Variants in SYT7 observed in about 807,000 individuals in gnomAD.
SYT7 encodes synaptotagmin-7.
Under a neutral mutation model 75.1 loss-of-function variants are expected in SYT7, and 29 were observed. The observed-to-expected ratio is 0.39, with a 90% confidence interval of 0.29 to 0.53. The LOEUF is 0.53. Ranked by LOEUF, SYT7 falls within the 20% of genes least tolerant of loss-of-function variation. The pLI, the probability that SYT7 is intolerant of heterozygous loss-of-function variation, is 0.77. For missense variants in SYT7, 693 were observed against 953.2 expected, an observed-to-expected ratio of 0.73 and a Z score of 3.59; for synonymous variants, 376 against 401.7, an observed-to-expected ratio of 0.94 and a Z score of 0.76.
intron 1 of SYT7, among the ~76,000 whole-genome samples, chr11:61,562,712 C>A (rs968966899): frequency 2.6e-5 from 4 of 152,124 alleles, no homozygotes; most frequent in Non-Finnish European, 2.9e-5. Flanking sequence ...TCAGTGAGCA[C>A]CTACAGTATG....
intron 1 of SYT7, among the ~76,000 whole-genome samples, chr11:61,562,950 T>C (rs1207917011): frequency 6.6e-6 from 1 of 152,104 alleles, no homozygotes. Context: ...GGAATGGCTT[T>C]CAGAGGGCAA....
At chr11:61,539,213 A>C (rs2062970555) in intron 6 of SYT7, among the ~76,000 whole-genome samples, 1 of 152,202 alleles carries the variant, frequency 6.6e-6, no homozygotes, top group African/African-American at 2.4e-5. Flanking sequence ...GAGGGAGCAC[A>C]GTCAAGGCTG....
At chr11:61,522,422 G>A (rs1480619577) in intron 12 of SYT7, among the ~76,000 whole-genome samples, 1 of 151,948 alleles carries the variant, frequency 6.6e-6, no homozygotes, top group Non-Finnish European at 1.5e-5. Context: ...ACTCCCGACC[G>A]CAGATGATCC....
intron 1 of SYT7, among the ~76,000 whole-genome samples, chr11:61,571,217 C>G (rs1273330414): frequency 1.3e-5 from 2 of 152,370 alleles, no homozygotes; most frequent in East Asian, 3.9e-4. Context: ...TGCCTCTGCA[C>G]AGACACACCT....
At chr11:61,581,960 G>T (rs2064285061), upstream of SYT7, among the ~76,000 whole-genome samples, 1 of 152,254 alleles carries the variant, frequency 6.6e-6, no homozygotes, top group South Asian at 2.1e-4. Context: ...TGGATGATTT[G>T]ATTCTGGGGC....
At chr11:61,533,172 G>A (rs756925663) in intron 7 of SYT7, 48 bp from the exon 8 acceptor site, 23 of 1,513,376 alleles carry the variant, frequency 1.5e-5, no homozygotes, top group African/African-American at 1.1e-4. Context: ...AGTGAGCTGC[G>A]TTGGGCACCC....
Position 61,556,125 on chromosome 11 carries a change from G to A in SYT7, c.114C>T (p.Cys38=), listed in dbSNP as rs1339716786. ...TCACCAGTTTGCGCTGACACCAGTG[G>A]CAGAGGCCGCAGAGGACGACAGTGA... ...LSVTVVLCGL[C]HWCQRKLGKR... The change falls in exon 2 of 13, where the codon TGC becomes TGT. Residue 38 remains cysteine (C), a synonymous_variant. Transcript: ENST00000539008. 2 of 1,613,916 alleles carry A rather than the reference G, an allele frequency of 1.2e-6. No individual in the cohort carries two copies. Among genetic ancestry groups the A allele is most frequent in the Non-Finnish European group, 1.7e-6 (2 of 1,179,926 alleles).
intron 7 of SYT7, 76 bp from the exon 8 acceptor site, chr11:61,533,200 G>A (rs1296673439): frequency 6.7e-7 from 1 of 1,494,132 alleles, no homozygotes; most frequent in East Asian, 2.4e-5. Context: ...GGGGGTGGCA[G>A]GACCTTCTCT....
chr11:61,585,593 C>T (rs977422430), upstream of SYT7, among the ~76,000 whole-genome samples: 14 of 152,154 alleles, frequency 9.2e-5, no homozygotes, highest in African/African-American at 3.4e-4. Context: ...GATATCTCCA[C>T]CCCAGAAAGG....
chr11:61,523,892 T>C lies in SYT7; in HGVS notation c.1691A>G (p.Asn564Ser). Residue 564 changes from asparagine (N) to serine (S), a missense_variant, in exon 11 of 13, where the codon AAC (asparagine) becomes AGC (serine). This residue lies in a region of SYT7 where 206 missense variants were observed against 360.0 expected (regional missense o/e 0.57). Transcript: ENST00000539008. The surrounding 1 kb of genome is among the most constrained non-coding windows in gnomAD (Gnocchi z 5.0). ...LLSLCYNPSA[N>S]SIIVNIIKAR... is the part of the protein sequence containing the mutation. Reference sequence around the variant, plus strand: ...TTTGATGATGTTCACGATGATGGAGTTGGCAGAGGGGTTGTAGCAGAGAGA... The same window carrying C: ...TTTGATGATGTTCACGATGATGGAGCTGGCAGAGGGGTTGTAGCAGAGAGA... 2 of 1,613,634 alleles carry C rather than the reference T, an allele frequency of 1.2e-6. No individual in the cohort carries two copies. The highest frequency in any genetic ancestry group is 2.2e-5 in the East Asian group (1 of 44,826).
rs542791991 is a variant in SYT7, at chr11:61,528,309, C to A, written c.1201-124G>T. On this transcript the variant is annotated intron_variant, in intron 8 of 12. Transcript: ENST00000539008. ...CCAGCCCACACTCACATCCCACGGACGCTGCTCAGGCTCAGAGGGCAGGTG... is the reference window on the plus strand; with the variant it reads ...CCAGCCCACACTCACATCCCACGGAAGCTGCTCAGGCTCAGAGGGCAGGTG... The A allele has an allele frequency of 4.8e-6, 6 of 1,240,092 alleles. No homozygotes were observed. In the South Asian group the frequency reaches 8.8e-5, roughly 18 times the overall value. The allele number at this position is 1,240,092 out of a possible 1,614,324, so 76.8% of individuals were successfully genotyped here.
Position 61,517,761 on chromosome 11 carries a change from T to C in SYT7, c.*866A>G, listed in dbSNP as rs2062184411. 2.6e-6 allele frequency: 1 copy of C among 388,844 alleles called. No individual in the cohort carries two copies. The highest frequency in any genetic ancestry group is 2.1e-5 in the African/African-American group (1 of 47,298). The allele number at this position is 388,844 out of a possible 1,614,324, so 24.1% of individuals were successfully genotyped here. A position where few individuals can be genotyped will look rare whatever the true frequency, so the allele number is the denominator to read the frequency against. On this transcript the variant is annotated 3_prime_UTR_variant, in exon 13 of 13. Coordinates refer to ENST00000539008, the MANE Select transcript of SYT7 (RefSeq NM_001365809.2). Reference sequence around the variant, plus strand: ...ATGCACACAGTAGGTGCCTAAAAGGTGTGAGTCAGTGTTCAAGAGATGAAA... The same window carrying C: ...ATGCACACAGTAGGTGCCTAAAAGGCGTGAGTCAGTGTTCAAGAGATGAAA...
In SYT7 at chr11:61,545,707, TG is replaced by T. The variant is rs56771816; in HGVS notation, c.572+323del. ...TGGAGGGATGACCTGGTGGCTGAGA[TG>T]GGGGGGCCAATCAAAGAGGATGGGA... On this transcript the variant is annotated intron_variant, in intron 5 of 12. Coordinates refer to ENST00000539008, the MANE Select transcript of SYT7 (RefSeq NM_001365809.2). Among the ~76,000 whole-genome samples, 9 of 152,014 alleles carry T rather than the reference TG, an allele frequency of 5.9e-5. No homozygotes were observed. The East Asian group carries it at 1.4e-3, about 23-fold the overall frequency.
chr11:61,523,995 T>C lies in SYT7; in HGVS notation c.1642-54A>G, dbSNP rs2062430034. 2 of 1,535,636 alleles carry C rather than the reference T, an allele frequency of 1.3e-6. No homozygotes were observed. Among genetic ancestry groups the C allele is most frequent in the East Asian group, 2.2e-5 (1 of 44,462 alleles). The stretch of plus-strand genomic sequence containing the variant: ...GAACTAGGCTAGCAGAGCTCTCTGA[T>C]TGGCCTAGCTGCCCCCAGGTCCCCT... On this transcript the variant is annotated intron_variant, in intron 10 of 12. Coordinates refer to ENST00000539008, the MANE Select transcript of SYT7 (RefSeq NM_001365809.2). The surrounding 1 kb of genome is among the most constrained non-coding windows in gnomAD (Gnocchi z 5.0).
intron 1 of SYT7, among the ~76,000 whole-genome samples, chr11:61,574,857 C>T (rs921342591): frequency 3.3e-5 from 5 of 152,168 alleles, no homozygotes; most frequent in East Asian, 3.9e-4. Context: ...CCCAGGGCCC[C>T]GCCGGGAGCA....
Position 61,515,786 on chromosome 11 carries a change from A to G in SYT7, c.*2841T>C, listed in dbSNP as rs1007883784. 8 of 152,684 alleles carry G rather than the reference A, an allele frequency of 5.2e-5. No homozygotes were observed. Among genetic ancestry groups the G allele is most frequent in the East Asian group, 1.9e-4 (1 of 5,188 alleles). The allele number at this position is 152,684 out of a possible 1,614,324, so 9.5% of individuals were successfully genotyped here. On this transcript the variant is annotated 3_prime_UTR_variant, in exon 13 of 13. Coordinates refer to ENST00000539008, the MANE Select transcript of SYT7 (RefSeq NM_001365809.2). ...TAAGGACTAAGTCTAGGGCACCCACAAAGATGGCAGACGAAGCCCATGAAA... is the reference window on the plus strand; with the variant it reads ...TAAGGACTAAGTCTAGGGCACCCACGAAGATGGCAGACGAAGCCCATGAAA...
chr11:61,530,785 A>T, intron 8 of SYT7: 1 of 984,878 alleles, frequency 1.0e-6, no homozygotes, highest in Non-Finnish European at 1.2e-6. Flanking sequence ...AAGGGGTGGC[A>T]GCTCTATGCC....
intron 1 of SYT7, among the ~76,000 whole-genome samples, chr11:61,558,801 G>A (rs2063568870): frequency 6.6e-6 from 1 of 152,012 alleles, no homozygotes; most frequent in Non-Finnish European, 1.5e-5. Flanking sequence ...GGAGTGCAGT[G>A]GCATGATCTT....
chr11:61,573,072 AG>A (rs373578313), intron 1 of SYT7, among the ~76,000 whole-genome samples: 1 of 143,770 alleles, frequency 7.0e-6, no homozygotes, highest in African/African-American at 3.0e-5. Flanking sequence ...GGGCATGGAG[AG>A]GGGGGGTGGC....
Sources: gnomAD v4.1 joint callset for allele counts (sites outside exome capture counted in the v4.1 genomes callset) on GRCh38, gnomAD v4.1.1 for gene constraint, gnomAD v4.1.1 regional missense constraint, Gnocchi (gnomAD v3.1) non-coding constraint, MANE v1.5 for transcripts, NCBI Gene and HGNC (gene_info 2026-07-23, HGNC 2026-07-21) for gene names.